Variants in PLCG1 observed in about 807,000 individuals in gnomAD.
The protein encoded by PLCG1 is phospholipase C gamma 1, also known as 1-phosphatidylinositol 4,5-bisphosphate phosphodiesterase gamma-1.
In PLCG1, 71 loss-of-function variants were observed where a neutral mutation model predicts 177.8. The ratio of observed to expected loss-of-function variants is 0.40; its 90% confidence interval spans 0.33 to 0.49. PLCG1 has a LOEUF of 0.49. Among genes scored for constraint, PLCG1 ranks in the 20% least tolerant of loss-of-function variants. The probability of loss-of-function intolerance (pLI) is 0.72; values close to 1 mark genes in which losing one functional copy is unlikely to be tolerated. For missense variants in PLCG1, 1,281 were observed against 1,709.0 expected, an observed-to-expected ratio of 0.75 and a Z score of 4.42; for synonymous variants, 658 against 647.9, an observed-to-expected ratio of 1.02 and a Z score of -0.24.
chr20:41,159,602 C>G lies in PLCG1; in HGVS notation c.218-4C>G, dbSNP rs768856871. 6.2e-7 allele frequency: 1 copy of G among 1,613,782 alleles called. No individual in the cohort carries two copies. The highest frequency in any genetic ancestry group is 1.1e-5 in the South Asian group (1 of 91,044). ...TGATCTTGGCCTCTTTGCTACCTTC[C>G]TAGTTGACATTCGTGAAATTAAGGA... On this transcript the variant is annotated splice_region_variant and splice_polypyrimidine_tract_variant and intron_variant, in intron 1 of 31. Transcript: ENST00000685551. The surrounding 1 kb of genome is among the most constrained non-coding windows in gnomAD (Gnocchi z 6.0).
rs1187763922 is a variant in PLCG1, at chr20:41,147,827, G to A, written c.217+9969G>A. On this transcript the variant is annotated intron_variant, in intron 1 of 31. Transcript: ENST00000685551. This position sits in a 1 kb window ranked among gnomAD's most constrained non-coding sequence, Gnocchi z 4.0. Reference sequence around the variant, plus strand: ...CGCGCCATTGCACTCCAGCCTGGGTGACAGAGCAAGACTCTGTCTCTTTAA... The same window carrying A: ...CGCGCCATTGCACTCCAGCCTGGGTAACAGAGCAAGACTCTGTCTCTTTAA... Among the ~76,000 whole-genome samples, 5 of 151,806 alleles carry A rather than the reference G, an allele frequency of 3.3e-5. No individual in the cohort carries two copies. The highest frequency in any genetic ancestry group is 5.9e-5 in the Non-Finnish European group (4 of 67,968).
chr20:41,164,014 G>A lies in PLCG1; in HGVS notation c.1096+8G>A, dbSNP rs367800103. 6.2e-7 allele frequency: 1 copy of A among 1,614,148 alleles called. No homozygotes were observed. The highest frequency in any genetic ancestry group is 8.5e-7 in the Non-Finnish European group (1 of 1,180,018). ...GCTGTCGCTGCATTGAGTGTGCGTG[G>A]GGTCCAGGGCTGGGGGAGGGAAGAT... is the stretch of plus-strand genomic sequence containing the variant. On this transcript the variant is annotated splice_region_variant and intron_variant, in intron 11 of 31. Transcript: ENST00000685551. This position sits in a 1 kb window ranked among gnomAD's most constrained non-coding sequence, Gnocchi z 6.4.
At position 41,173,677 on chromosome 20, in the gene PLCG1, G is replaced by C. The variant is rs2035974112; in HGVS notation, c.3420G>C (p.Trp1140Cys). Residue 1140 changes from tryptophan (W) to cysteine (C), a missense_variant, in exon 29 of 32, where the codon TGG (tryptophan) becomes TGC (cysteine). By Grantham distance (215) the Trp-to-Cys change is radical. Transcript: ENST00000685551. This position sits in a 1 kb window ranked among gnomAD's most constrained non-coding sequence, Gnocchi z 6.2. ...FVVDNGLNPV[W>C]PAKPFHFQIS... The stretch of plus-strand genomic sequence containing the variant: ...TGGACAATGGACTCAACCCTGTATG[G>C]CCAGCCAAGCCCTTCCACTTCCAGA... 1 of 1,614,052 alleles carries C rather than the reference G, an allele frequency of 6.2e-7. No homozygotes were observed. Among genetic ancestry groups the C allele is most frequent in the Non-Finnish European group, 8.5e-7 (1 of 1,180,038 alleles).
chr20:41,145,731 C>T (rs2034976511), intron 1 of PLCG1, among the ~76,000 whole-genome samples: 1 of 152,130 alleles, frequency 6.6e-6, no homozygotes, highest in Non-Finnish European at 1.5e-5. Context: ...AGGGGTTGGT[C>T]CCCGAATATT....
chr20:41,173,780 C>G lies in PLCG1; in HGVS notation c.3523C>G (p.Gln1175Glu). Residue 1175 changes from glutamine to glutamate, a missense_variant, in exon 29 of 32, where the codon CAG (glutamine) becomes GAG (glutamate). Gln to Glu is a conservative substitution (Grantham distance 29). Around this residue, in one of 4 missense-constraint regions of PLCG1, gnomAD observed 153 missense variants for 153.2 expected, o/e 1.00. Transcript: ENST00000685551. This position sits in a 1 kb window ranked among gnomAD's most constrained non-coding sequence, Gnocchi z 6.2. ...GTTTAGTGACCAGAATTTCCTGGCT[C>G]AGGCTACTTTCCCAGTAAAAGGCCT... ...DMFSDQNFLA[Q>E]ATFPVKGLKT... 6.2e-7 allele frequency: 1 copy of G among 1,614,152 alleles called. No homozygotes were observed. The highest frequency in any genetic ancestry group is 8.5e-7 in the Non-Finnish European group (1 of 1,179,982).
At position 41,167,027 on chromosome 20, in the gene PLCG1, C is replaced by T. The variant is rs375294828; in HGVS notation, c.2301+168C>T. The T allele has an allele frequency of 4.7e-6, 3 of 642,136 alleles. No individual in the cohort carries two copies. The highest frequency in any genetic ancestry group is 5.3e-5 in the East Asian group (2 of 37,398). 39.8% of individuals were successfully genotyped at this position (642,136 alleles called of 1,614,324 possible). On this transcript the variant is annotated intron_variant, in intron 19 of 31. Transcript: ENST00000685551. This position sits in a 1 kb window ranked among gnomAD's most constrained non-coding sequence, Gnocchi z 4.4. ...AGTGTGGGTACCAGGAGGGTGTCTGCAGGAGGGGACATCTGAGCAGCATCT... is the reference window on the plus strand; with the variant it reads ...AGTGTGGGTACCAGGAGGGTGTCTGTAGGAGGGGACATCTGAGCAGCATCT...
At position 41,137,791 on chromosome 20, in the gene PLCG1, C is replaced by T. The variant is rs757247411; in HGVS notation, c.150C>T (p.Thr50=). 5 of 1,302,686 alleles carry T rather than the reference C, an allele frequency of 3.8e-6. No homozygotes were observed. The highest frequency in any genetic ancestry group is 1.5e-5 in the African/African-American group (1 of 65,832). 80.7% of individuals were successfully genotyped at this position (1,302,686 alleles called of 1,614,324 possible). The part of the protein sequence containing the change: ...SKKSQRPERK[T]FQVKLETRQI... Reference sequence around the variant, plus strand: ...AGTCGCAGCGACCCGAGCGGAAGACCTTCCAGGTCAAGCTGGAGACGCGCC... The same window carrying T: ...AGTCGCAGCGACCCGAGCGGAAGACTTTCCAGGTCAAGCTGGAGACGCGCC... The change falls in exon 1 of 32, where the codon ACC becomes ACT. Residue 50 remains threonine, a synonymous_variant. Coordinates refer to ENST00000685551, the MANE Select transcript of PLCG1 (RefSeq NM_002660.3). The surrounding 1 kb of genome is among the most constrained non-coding windows in gnomAD (Gnocchi z 7.3).
intron 1 of PLCG1, among the ~76,000 whole-genome samples, chr20:41,155,926 T>C (rs2035306914): frequency 6.6e-6 from 1 of 152,178 alleles, no homozygotes; most frequent in Non-Finnish European, 1.5e-5. Flanking sequence ...ATTTAAGAGC[T>C]GTGTGGTTCT....
rs34150127 is a variant in PLCG1, at chr20:41,144,301, T to A, written c.217+6443T>A. On this transcript the variant is annotated intron_variant, in intron 1 of 31. Transcript: ENST00000685551. The surrounding 1 kb of genome is among the most constrained non-coding windows in gnomAD (Gnocchi z 4.1). ...GTTTATTCTCCCATTCTGGGGAAAA[T>A]GATAATAGGATGGACCGTTCTATAG... is the stretch of plus-strand genomic sequence containing the variant. Among the ~76,000 whole-genome samples, 607 of 152,298 alleles carry A rather than the reference T, an allele frequency of 4.0e-3. 7 individuals are homozygous for A. The highest frequency in any genetic ancestry group is 0.022 in the East Asian group (116 of 5,180).
At position 41,162,494 on chromosome 20, in the gene PLCG1, C is replaced by T. The variant is rs775233877; in HGVS notation, c.555C>T (p.Asn185=). The change falls in exon 5 of 32, where the codon AAC becomes AAT. Residue 185 remains asparagine, a synonymous_variant. Transcript: ENST00000685551. The stretch of plus-strand genomic sequence containing the variant: ...TGAAGAACATGCTGTCCCAGGTCAA[C>T]TACCGGGTCCCCAACATGCGCTTCC... The part of the protein sequence containing the change: ...KDLKNMLSQV[N]YRVPNMRFLR... The T allele has an allele frequency of 4.3e-6, 7 of 1,614,010 alleles. No homozygotes were observed. In the South Asian group the frequency reaches 7.7e-5, roughly 18 times the overall value.
rs2035225155 is a variant in PLCG1 at position 41,153,441 on chromosome 20, C to G, written c.218-6165C>G. ...AAGTAGCTGGGACTACAGGCATGTG[C>G]TACCATGTCTAGCTAAGTTTTTTTA... On this transcript the variant is annotated intron_variant, in intron 1 of 31. Coordinates refer to ENST00000685551, the MANE Select transcript of PLCG1 (RefSeq NM_002660.3). This position sits in a 1 kb window ranked among gnomAD's most constrained non-coding sequence, Gnocchi z 5.1. 1.3e-5 allele frequency among the ~76,000 whole-genome samples: 2 copies of G among 152,188 alleles called. No individual in the cohort carries two copies. Among genetic ancestry groups the G allele is most frequent in the Admixed American group, 1.3e-4 (2 of 15,278 alleles).
Position 41,159,471 on chromosome 20 carries a change from C to A in PLCG1, c.218-135C>A. 1.3e-6 allele frequency: 1 copy of A among 793,458 alleles called. No homozygotes were observed. 49.2% of individuals were successfully genotyped at this position (793,458 alleles called of 1,614,324 possible). Reference sequence around the variant, plus strand: ...CCCAGCCCTCTTATTACCAGAGTGACTGAGTGGTCTTGGCTCTGCCTCTGG... The same window carrying A: ...CCCAGCCCTCTTATTACCAGAGTGAATGAGTGGTCTTGGCTCTGCCTCTGG... On this transcript the variant is annotated intron_variant, in intron 1 of 31. Transcript: ENST00000685551. The surrounding 1 kb of genome is among the most constrained non-coding windows in gnomAD (Gnocchi z 6.0).
In PLCG1 at chr20:41,160,417, G is replaced by A. The variant is rs1484248682; in HGVS notation, c.512+264G>A. ...GACTGGATGTGTAGAACTGGCTTTG[G>A]GTGTCCTGGAGGTGAGGGTGGCCAG... is the stretch of plus-strand genomic sequence containing the variant. On this transcript the variant is annotated intron_variant, in intron 4 of 31. Coordinates refer to ENST00000685551, the MANE Select transcript of PLCG1 (RefSeq NM_002660.3). This position sits in a 1 kb window ranked among gnomAD's most constrained non-coding sequence, Gnocchi z 5.5. Among the ~76,000 whole-genome samples the A allele has an allele frequency of 6.6e-6, 1 of 152,088 alleles. No individual in the cohort carries two copies. Among genetic ancestry groups the A allele is most frequent in the African/African-American group, 2.4e-5 (1 of 41,398 alleles).
In PLCG1 at chr20:41,157,002, C is replaced by CATCT. The variant is rs957174192; in HGVS notation, c.218-2603_218-2600dup. On this transcript the variant is annotated intron_variant, in intron 1 of 31. Transcript: ENST00000685551. The surrounding 1 kb of genome is among the most constrained non-coding windows in gnomAD (Gnocchi z 5.4). ...TGTGGCTTTCAAGAACCTAGTAGAGCATCTCACTGTGCTGCCAGGGCCAGG... is the reference window on the plus strand; with the variant it reads ...TGTGGCTTTCAAGAACCTAGTAGAGCATCTATCTCACTGTGCTGCCAGGGCCAGG... 6.6e-6 allele frequency among the ~76,000 whole-genome samples: 1 copy of CATCT among 152,240 alleles called. No individual in the cohort carries two copies. The highest frequency in any genetic ancestry group is 2.4e-5 in the African/African-American group (1 of 41,472).
Position 41,163,879 on chromosome 20 carries a change from G to A in PLCG1, c.1011-42G>A. The A allele has an allele frequency of 1.9e-6, 3 of 1,610,482 alleles. No individual in the cohort carries two copies. The highest frequency in any genetic ancestry group is 1.3e-5 in the African/African-American group (1 of 74,978). On this transcript the variant is annotated intron_variant, in intron 10 of 31. Transcript: ENST00000685551. This position sits in a 1 kb window ranked among gnomAD's most constrained non-coding sequence, Gnocchi z 5.2. ...CCCACCCAGCTTCTTCCCCAGGAGG[G>A]CCCATCTGACCATACCTACCTGCCT...
intron 4 of PLCG1, chr20:41,162,235 G>GTT (rs11426520): frequency 0.028 from 4,026 of 143,558 alleles, 473 homozygotes; most frequent in East Asian, 0.23. Flanking sequence ...TTTTGTTTTT[G>GTT]TTTTTTTTTT....
rs1243173476 is a variant in PLCG1 at position 41,162,657 on chromosome 20, A to G, written c.613A>G (p.Ser205Gly). Residue 205 changes from serine to glycine, a missense_variant, in exon 6 of 32, where the codon AGC (serine) becomes GGC (glycine). Physicochemically the swap from Ser to Gly is moderately conservative, Grantham distance 56. Coordinates refer to ENST00000685551, the MANE Select transcript of PLCG1 (RefSeq NM_002660.3). Reference sequence around the variant, plus strand: ...TACCATGCAGGACCTGGAGCAGCGCAGCGGGGACATCACCTACGGGCAGTT... The same window carrying G: ...TACCATGCAGGACCTGGAGCAGCGCGGCGGGGACATCACCTACGGGCAGTT... ...RERLTDLEQR[S>G]GDITYGQFAQ... is the part of the protein sequence containing the mutation. 1 of 1,614,008 alleles carries G rather than the reference A, an allele frequency of 6.2e-7. No individual in the cohort carries two copies. Among genetic ancestry groups the G allele is most frequent in the South Asian group, 1.1e-5 (1 of 91,064 alleles).
In PLCG1 at chr20:41,137,569, C is replaced by T. The variant is rs1568718374; in HGVS notation, c.-73C>T. 4.2e-6 allele frequency: 4 copies of T among 944,234 alleles called. No individual in the cohort carries two copies. The highest frequency in any genetic ancestry group is 4.4e-5 in the Admixed American group (1 of 22,586). The allele number at this position is 944,234 out of a possible 1,614,324, so 58.5% of individuals were successfully genotyped here. Reference sequence around the variant, plus strand: ...TCTGCCGCCTCAGCCTCAGCCCCAACCTCAGCCGCCGCCGTTGCGCTTGCT... The same window carrying T: ...TCTGCCGCCTCAGCCTCAGCCCCAATCTCAGCCGCCGCCGTTGCGCTTGCT... On this transcript the variant is annotated 5_prime_UTR_variant, in exon 1 of 32. Coordinates refer to ENST00000685551, the MANE Select transcript of PLCG1 (RefSeq NM_002660.3). The surrounding 1 kb of genome is among the most constrained non-coding windows in gnomAD (Gnocchi z 7.3).
chr20:41,169,903 C>A (rs1212949302), intron 23 of PLCG1, among the ~76,000 whole-genome samples: 3 of 152,164 alleles, frequency 2.0e-5, no homozygotes, highest in Admixed American at 1.3e-4. Context: ...AGTTGGAACA[C>A]TGGCTCCACC....
Sources: gnomAD v4.1 joint callset for allele counts (sites outside exome capture counted in the v4.1 genomes callset) on GRCh38, gnomAD v4.1.1 for gene constraint, gnomAD v4.1.1 regional missense constraint, Gnocchi (gnomAD v3.1) non-coding constraint, MANE v1.5 for transcripts, NCBI Gene and HGNC (gene_info 2026-07-23, HGNC 2026-07-21) for gene names.